SYNE1: variants seen among roughly 807,000 people sequenced by gnomAD.
SYNE1 encodes the protein spectrin repeat containing nuclear envelope protein 1.
A neutral mutation model predicts 1,111.0 loss-of-function variants in SYNE1; 616 were observed. That is an observed-to-expected ratio of 0.55 (90% CI 0.52 to 0.59). The LOEUF is 0.59. Ranked by LOEUF, SYNE1 falls within the 20% of genes least tolerant of loss-of-function variation. The pLI is 0.00. For synonymous variants in SYNE1, 3,855 were observed against 3,825.8 expected (o/e 1.01, Z -0.28); for missense variants, 10,006 against 10,417.0 (o/e 0.96, Z 1.72).
rs116721144 is a variant in SYNE1, at chr6:152,401,221, T to C, written c.6946A>G (p.Ile2316Val). ...STQVEKFIND[I>V]TTWFTKVEES... ...TCCACTTTTGTGAACCATGTTGTTATGTCATTAATAAACTTCTCCACTTGT... is the reference window on the plus strand; with the variant it reads ...TCCACTTTTGTGAACCATGTTGTTACGTCATTAATAAACTTCTCCACTTGT... The change falls in exon 47 of 146, where the codon ATA becomes GTA. Residue 2316 changes from isoleucine (I) to valine (V), a missense_variant. Ile to Val is a conservative substitution (Grantham distance 29). Around this residue, in one of 7 missense-constraint regions of SYNE1, gnomAD observed 4,955 missense variants for 5,017.2 expected, o/e 0.99. Coordinates refer to ENST00000367255, the MANE Select transcript of SYNE1 (RefSeq NM_182961.4). 360 of 1,614,188 alleles carry C rather than the reference T, an allele frequency of 2.2e-4. 2 individuals are homozygous for C. In the African/African-American group the frequency reaches 4.1e-3, roughly 18 times the overall value.
chr6:152,301,021 T>C (rs1043196283), intron 92 of SYNE1, among the ~76,000 whole-genome samples: 4 of 152,234 alleles, frequency 2.6e-5, no homozygotes, highest in Non-Finnish European at 5.9e-5. Flanking sequence ...TGAAGTTTTG[T>C]TGTTGATTAA....
At position 152,325,273 on chromosome 6, in the gene SYNE1, A is replaced by T; in HGVS notation, c.15468T>A (p.His5156Gln). 6.2e-7 allele frequency: 1 copy of T among 1,613,832 alleles called. No homozygotes were observed. The highest frequency in any genetic ancestry group is 8.5e-7 in the Non-Finnish European group (1 of 1,179,726). Residue 5156 changes from histidine (H) to glutamine (Q), a missense_variant, in exon 81 of 146, where the codon CAT becomes CAA. Around this residue, in one of 7 missense-constraint regions of SYNE1, gnomAD observed 4,955 missense variants for 5,017.2 expected, o/e 0.99. Transcript: ENST00000367255. ...TTTCCTCAAGGGCCACAATTTTCTC[A>T]TGGAAAGAGTTAACCACTGACACTA... is the stretch of plus-strand genomic sequence containing the variant. ...KALVSVVNSF[H>Q]EKIVALEEKA...
At chr6:152,487,926 T>C (rs1265622007) in intron 12 of SYNE1, among the ~76,000 whole-genome samples, 1 of 151,972 alleles carries the variant, frequency 6.6e-6, no homozygotes, top group Non-Finnish European at 1.5e-5. Flanking sequence ...ATACAAAAAA[T>C]TAGCCAGGTG....
At chr6:152,480,826 A>G (rs2098889164) in intron 14 of SYNE1, 1 of 455,646 alleles carries the variant, frequency 2.2e-6, no homozygotes, top group Non-Finnish European at 4.4e-6. Context: ...TGTTTGCCTC[A>G]GATAACCATT....
chr6:152,439,696 G>C (rs1275945003), intron 32 of SYNE1, among the ~76,000 whole-genome samples: 1 of 152,108 alleles, frequency 6.6e-6, no homozygotes, highest in Non-Finnish European at 1.5e-5. Context: ...TTGCAGGTAA[G>C]AAAACAGAAA....
chr6:152,521,823 G>A (rs1335171780), intron 5 of SYNE1, among the ~76,000 whole-genome samples: 9 of 151,920 alleles, frequency 5.9e-5, no homozygotes, highest in Non-Finnish European at 1.5e-5. Context: ...TTGTTTTAAA[G>A]GTTTTTAATT....
intron 3 of SYNE1, among the ~76,000 whole-genome samples, chr6:152,552,904 G>T (rs1399536293): frequency 6.6e-6 from 1 of 152,156 alleles, no homozygotes; most frequent in Admixed American, 6.5e-5. Flanking sequence ...GTTTCCACAT[G>T]AGACAGCAGC....
intron 52 of SYNE1, 112 bp downstream of exon 52, chr6:152,391,165 C>A: frequency 1.3e-6 from 2 of 1,532,456 alleles, no homozygotes; most frequent in Middle Eastern, 2.1e-4. Flanking sequence ...ATTTTGCCCA[C>A]ACAATCCTCA....
intron 40 of SYNE1, among the ~76,000 whole-genome samples, chr6:152,417,951 T>C (rs1409147292): frequency 1.3e-5 from 2 of 152,166 alleles, no homozygotes; most frequent in African/African-American, 2.4e-5. Flanking sequence ...GACTTCTGTA[T>C]AGGAAATTTG....
chr6:152,322,853 G>T (rs1419435278), intron 82 of SYNE1, among the ~76,000 whole-genome samples: 1 of 151,998 alleles, frequency 6.6e-6, no homozygotes, highest in Non-Finnish European at 1.5e-5. Flanking sequence ...CCCTCTCCTC[G>T]GCTGCTTGTC....
chr6:152,155,474 T>C, intron 132 of SYNE1: 1 of 310,298 alleles, frequency 3.2e-6, no homozygotes, highest in Admixed American at 4.8e-5. Flanking sequence ...AGGACAAATA[T>C]TAAGCTTTCA....
chr6:152,347,233 T>G lies in SYNE1; in HGVS notation c.11904A>C (p.Ala3968=). The part of the protein sequence containing the change: ...TITQQLAHHK[A]MMEEIAGFED... ...CAAAACCAGCAATTTCTTCCATCAT[T>G]GCCTGCAAAAGTGAAACCAATACAG... Residue 3968 remains alanine (A), a splice_region_variant and synonymous_variant, in exon 73 of 146, where the codon GCA becomes GCC. Transcript: ENST00000367255. 6.2e-7 allele frequency: 1 copy of G among 1,614,222 alleles called. No homozygotes were observed. Among genetic ancestry groups the G allele is most frequent in the Non-Finnish European group, 8.5e-7 (1 of 1,180,040 alleles).
intron 125 of SYNE1, among the ~76,000 whole-genome samples, chr6:152,206,604 C>T (rs752348055): frequency 3.3e-5 from 5 of 152,192 alleles, no homozygotes; most frequent in South Asian, 4.1e-4. Context: ...AAGATTGATG[C>T]GTGGAAATAC....
Position 152,219,039 on chromosome 6 carries a change from C to T in SYNE1, c.22008G>A (p.Leu7336=). 1 of 1,614,120 alleles carries T rather than the reference C, an allele frequency of 6.2e-7. No homozygotes were observed. The highest frequency in any genetic ancestry group is 8.5e-7 in the Non-Finnish European group (1 of 1,180,022). The stretch of plus-strand genomic sequence containing the variant: ...TCTGCTGTTTGCAGAGAGCTTGCTC[C>T]AGGGCACACAAGTGTTGACTCAAAG... ...QLSLSQHLCA[L]EQALCKQQTS... is the part of the protein sequence containing the mutation. Residue 7336 remains leucine, a synonymous_variant, in exon 120 of 146, where the codon CTG becomes CTA. Transcript: ENST00000367255.
intron 78 of SYNE1, among the ~76,000 whole-genome samples, chr6:152,328,572 ATT>A (rs67478287): frequency 1.4e-5 from 2 of 143,516 alleles, no homozygotes; most frequent in African/African-American, 5.1e-5. Context: ...AACCCAGCTA[ATT>A]TTTTTTTTTT....
chr6:152,445,873 C>A lies in SYNE1; in HGVS notation c.3670-1295G>T. On this transcript the variant is annotated intron_variant, in intron 29 of 145. Coordinates refer to ENST00000367255, the MANE Select transcript of SYNE1 (RefSeq NM_182961.4). ...ACAAAATGTGTTTTTCTCCTTTCCTCTCTTTCTGCTTTCACTAAGTAAGTG... is the reference window on the plus strand; with the variant it reads ...ACAAAATGTGTTTTTCTCCTTTCCTATCTTTCTGCTTTCACTAAGTAAGTG... Among the ~76,000 whole-genome samples the A allele has an allele frequency of 2.0e-5, 3 of 152,228 alleles. No individual in the cohort carries two copies. The East Asian group carries it at 5.8e-4, about 29-fold the overall frequency.
chr6:152,231,962 T>C (rs2082878574), intron 113 of SYNE1, among the ~76,000 whole-genome samples, 154 bp downstream of exon 113: 1 of 152,180 alleles, frequency 6.6e-6, no homozygotes, highest in Non-Finnish European at 1.5e-5. Context: ...TTTCTATAAC[T>C]GATAATGCAT....
chr6:152,210,655 C>T (rs2077357948), intron 124 of SYNE1, among the ~76,000 whole-genome samples: 2 of 151,994 alleles, frequency 1.3e-5, no homozygotes, highest in African/African-American at 4.8e-5. Flanking sequence ...TTAGTCACAA[C>T]TACTGGTTCC....
At chr6:152,318,399 C>G in intron 85 of SYNE1, 136 bp from the exon 86 acceptor site, 1 of 1,007,472 alleles carries the variant, frequency 9.9e-7, no homozygotes. Flanking sequence ...ATGATCAGGT[C>G]ATTTTTGTTT....
Sources: gnomAD v4.1 joint callset for allele counts (sites outside exome capture counted in the v4.1 genomes callset) on GRCh38, gnomAD v4.1.1 for gene constraint, gnomAD v4.1.1 regional missense constraint, MANE v1.5 for transcripts, NCBI Gene and HGNC (gene_info 2026-07-23, HGNC 2026-07-21) for gene names.